GPATCH8: variants seen among roughly 807,000 people sequenced by gnomAD.
GPATCH8 encodes the protein G-patch domain containing 8.
In GPATCH8, 18 loss-of-function variants were observed where a neutral mutation model predicts 118.3. The ratio of observed to expected loss-of-function variants is 0.15; its 90% CI spans 0.11 to 0.23. The LOEUF (loss-of-function observed/expected upper bound fraction) is 0.23. Among genes scored for constraint, GPATCH8 ranks in the 10% least tolerant of loss-of-function variants. GPATCH8 has a pLI of 1.00. For missense variants in GPATCH8, 1,631 were observed against 1,873.8 expected, an observed-to-expected ratio of 0.87 and a Z score of 2.39; for synonymous variants, 659 against 684.7, an observed-to-expected ratio of 0.96 and a Z score of 0.59.
intron 5 of GPATCH8, among the ~76,000 whole-genome samples, chr17:44,427,438 T>C (rs189868283): frequency 1.3e-5 from 2 of 152,192 alleles, no homozygotes; most frequent in Admixed American, 6.5e-5. Context: ...GCAAAAGAAC[T>C]GGCAGACTGC....
chr17:44,416,509 C>T lies in GPATCH8; in HGVS notation c.492+7840G>A, dbSNP rs150419602. 3.3e-5 allele frequency among the ~76,000 whole-genome samples: 5 copies of T among 152,256 alleles called. No homozygotes were observed. In the East Asian group the frequency reaches 5.8e-4, roughly 18 times the overall value. Reference sequence around the variant, plus strand: ...ACAGACCCCAAGAAAATGGTATGAACAGTGGTATAGAATACCACTGAACCC... The same window carrying T: ...ACAGACCCCAAGAAAATGGTATGAATAGTGGTATAGAATACCACTGAACCC... On this transcript the variant is annotated intron_variant, in intron 6 of 7. Coordinates refer to ENST00000591680, the MANE Select transcript of GPATCH8 (RefSeq NM_001002909.4).
rs756659893 is a variant in GPATCH8, at chr17:44,400,903, C to G, written c.1174G>C (p.Glu392Gln). ...GCTGGGGGGATGTAGTGGTAATACT[C>G]AGGCTCTGTAGCCCCAGCTCCTTCT... ...REEGAGATEP[E>Q]YYHYIPPAHC... The change falls in exon 8 of 8, where the codon GAG becomes CAG. Residue 392 changes from glutamate to glutamine, a missense_variant. Coordinates refer to ENST00000591680, the MANE Select transcript of GPATCH8 (RefSeq NM_001002909.4). The G allele has an allele frequency of 5.6e-6, 9 of 1,613,980 alleles. No individual in the cohort carries two copies. The African/African-American group carries it at 1.1e-4, about 19-fold the overall frequency.
intron 1 of GPATCH8, among the ~76,000 whole-genome samples, chr17:44,492,175 C>CTCGGGAGG (rs1435774989): frequency 1.3e-5 from 2 of 151,168 alleles, no homozygotes; most frequent in African/African-American, 2.4e-5. Flanking sequence ...GTGGCGGGCA[C>CTCGGGAGG]CTGTAGTCCC....
chr17:44,399,455 T>C lies in GPATCH8; in HGVS notation c.2622A>G (p.Ser874=). ...AGCAGCTCTGGTCTGAAGAGGCATC[T>C]GAGCTACTTGAGTAAGAACGCCGGG... ...RSSRRSYSSS[S]DASSDQSCYS... The change falls in exon 8 of 8, where the codon TCA becomes TCG. Residue 874 remains serine, a synonymous_variant. Coordinates refer to ENST00000591680, the MANE Select transcript of GPATCH8 (RefSeq NM_001002909.4). The C allele has an allele frequency of 8.1e-6, 13 of 1,614,140 alleles. No homozygotes were observed. Among genetic ancestry groups the C allele is most frequent in the Non-Finnish European group, 1.1e-5 (13 of 1,179,980 alleles).
At chr17:44,432,256 T>A (rs897512465) in intron 5 of GPATCH8, among the ~76,000 whole-genome samples, 7 of 151,982 alleles carry the variant, frequency 4.6e-5, no homozygotes, top group Non-Finnish European at 8.8e-5. Context: ...AAAAGAGAAA[T>A]ATTGAAGTAT....
At chr17:44,410,250 C>T (rs2049381797) in intron 6 of GPATCH8, among the ~76,000 whole-genome samples, 1 of 152,178 alleles carries the variant, frequency 6.6e-6, no homozygotes, top group Non-Finnish European at 1.5e-5. Context: ...TGAATTGTAC[C>T]TGCACTTTTC....
At chr17:44,411,177 G>A (rs987327147) in intron 6 of GPATCH8, among the ~76,000 whole-genome samples, 5 of 152,122 alleles carry the variant, frequency 3.3e-5, no homozygotes, top group African/African-American at 1.2e-4. Flanking sequence ...TATGACAATT[G>A]GGCTTTGCAG....
chr17:44,420,236 GAA>G (rs1344397238), intron 6 of GPATCH8, among the ~76,000 whole-genome samples: 1 of 152,076 alleles, frequency 6.6e-6, no homozygotes, highest in Non-Finnish European at 1.5e-5. Context: ...GTACTCTAAA[GAA>G]GAGTAATAAG....
At chr17:44,475,851 C>T (rs983242542) in intron 1 of GPATCH8, among the ~76,000 whole-genome samples, 18 of 151,986 alleles carry the variant, frequency 1.2e-4, no homozygotes, top group Non-Finnish European at 2.2e-4. Flanking sequence ...TACAGTGAGA[C>T]CCTGTTTCTA....
At chr17:44,416,399 A>G (rs892096767) in intron 6 of GPATCH8, among the ~76,000 whole-genome samples, 14 of 152,222 alleles carry the variant, frequency 9.2e-5, no homozygotes, top group African/African-American at 2.4e-4. Flanking sequence ...GAATGAATAC[A>G]TAAGACTTAA....
intron 6 of GPATCH8, among the ~76,000 whole-genome samples, chr17:44,406,751 G>C (rs116834296): frequency 0.012 from 1,882 of 152,228 alleles, 33 homozygotes; most frequent in African/African-American, 0.037. Context: ...GGGATGAGGA[G>C]GGAGAGCAGA....
chr17:44,488,915 C>T (rs1969010337), intron 1 of GPATCH8, among the ~76,000 whole-genome samples: 1 of 151,190 alleles, frequency 6.6e-6, no homozygotes, highest in African/African-American at 2.4e-5. Context: ...GGTGAAACCC[C>T]ATCTCTACAA....
Position 44,398,935 on chromosome 17 carries a change from C to G in GPATCH8, c.3142G>C (p.Gly1048Arg). ...TCTCCTCTGCCATCATCTTTCTTCC[C>G]AGGACCTTCTCCCCGGCCTGATCGG... is the stretch of plus-strand genomic sequence containing the variant. Reference protein sequence around the residue: ...YFRSGRGEGPGKKDDGRGDDS... With the variant: ...YFRSGRGEGPRKKDDGRGDDS... Residue 1048 changes from glycine to arginine, a missense_variant, in exon 8 of 8, where the codon GGG becomes CGG. Gly to Arg is a moderately radical substitution (Grantham distance 125, BLOSUM62 -2). Around this residue, in one of 8 missense-constraint regions of GPATCH8, gnomAD observed 922 missense variants for 879.7 expected, o/e 1.05. Transcript: ENST00000591680. 1 of 1,614,182 alleles carries G rather than the reference C, an allele frequency of 6.2e-7. No homozygotes were observed. The highest frequency in any genetic ancestry group is 8.5e-7 in the Non-Finnish European group (1 of 1,180,032).
At chr17:44,465,436 G>A (rs1321579248) in intron 2 of GPATCH8, 2 of 152,056 alleles carry the variant, frequency 1.3e-5, no homozygotes, top group Admixed American at 6.6e-5. Context: ...GTCAGCTTTC[G>A]TTTAAGGGGT....
chr17:44,446,547 C>T (rs1210495304), intron 3 of GPATCH8, among the ~76,000 whole-genome samples: 1 of 152,102 alleles, frequency 6.6e-6, no homozygotes, highest in African/African-American at 2.4e-5. Flanking sequence ...GCCTGGGCGA[C>T]AGAGTGAGAC....
intron 7 of GPATCH8, among the ~76,000 whole-genome samples, chr17:44,404,120 C>G (rs2049130168): frequency 6.6e-6 from 1 of 152,112 alleles, no homozygotes; most frequent in African/African-American, 2.4e-5. Flanking sequence ...AAAAACAACG[C>G]CCCGCAAACT....
intron 6 of GPATCH8, chr17:44,409,050 T>TC (rs1421523593): frequency 2.0e-5 from 3 of 152,006 alleles, no homozygotes; most frequent in African/African-American, 4.8e-5. Context: ...TTCTGGCGAC[T>TC]TTTTTTTAAG....
In GPATCH8 at chr17:44,481,464, G is replaced by A. The variant is rs559623991; in HGVS notation, c.46-6561C>T. ...AATTAATTATGCTAAGTGAAAAGAA[G>A]CCATACTCAAAAGGCTTCCATATAT... On this transcript the variant is annotated intron_variant, in intron 1 of 7. Transcript: ENST00000591680. Among the ~76,000 whole-genome samples the A allele has an allele frequency of 3.9e-5, 6 of 152,280 alleles. No homozygotes were observed. In the South Asian group the frequency reaches 6.2e-4, roughly 16 times the overall value.
intron 7 of GPATCH8, among the ~76,000 whole-genome samples, chr17:44,403,915 A>C (rs1051824994): frequency 4.6e-5 from 7 of 151,454 alleles, no homozygotes; most frequent in African/African-American, 1.7e-4. Context: ...GCTGGTCTCA[A>C]GCTCCTGACC....
Sources: allele counts gnomAD v4.1 joint callset (sites outside exome capture counted in the v4.1 genomes callset), GRCh38; gene constraint gnomAD v4.1.1; regional missense constraint gnomAD v4.1.1; transcripts MANE v1.5; gene names NCBI Gene and HGNC (gene_info 2026-07-23, HGNC 2026-07-21).